Variants in MYT1L observed in about 807,000 individuals in gnomAD.
MYT1L encodes the protein myelin transcription factor 1 like, also known as myelin transcription factor 1-like protein.
Under a neutral mutation model 126.7 loss-of-function variants are expected in MYT1L, and 12 were observed. That is an observed-to-expected ratio of 0.09 (90% confidence interval 0.06 to 0.15). The LOEUF is 0.15. Ranked by LOEUF, MYT1L falls within the 10% of genes least tolerant of loss-of-function variation. MYT1L has a pLI of 1.00. For missense variants in MYT1L, 979 were observed against 1,585.2 expected (o/e 0.62, Z 6.49); for synonymous variants, 541 against 604.2 (o/e 0.90, Z 1.53).
chr2:1,932,210 G>A (rs1256150379), intron 9 of MYT1L, among the ~76,000 whole-genome samples: 1 of 152,138 alleles, frequency 6.6e-6, no homozygotes, highest in East Asian at 1.9e-4. Flanking sequence ...ATTGAGGCAC[G>A]GAGGAAAACG....
intron 13 of MYT1L, among the ~76,000 whole-genome samples, chr2:1,908,682 G>C (rs1184046079): frequency 6.6e-6 from 1 of 152,224 alleles, no homozygotes; most frequent in African/African-American, 2.4e-5. Flanking sequence ...GGGTGGGGGT[G>C]GTTTTCATGT....
At chr2:1,907,914 G>A (rs373707276) in intron 13 of MYT1L, among the ~76,000 whole-genome samples, 4 of 152,238 alleles carry the variant, frequency 2.6e-5, no homozygotes, top group Non-Finnish European at 2.9e-5. Flanking sequence ...GGAGTCTCAC[G>A]CAGGGCCAGT....
chr2:1,856,996 C>A (rs1181665806), intron 18 of MYT1L, among the ~76,000 whole-genome samples: 4 of 152,218 alleles, frequency 2.6e-5, no homozygotes, highest in African/African-American at 9.6e-5. Context: ...GGACAACCTC[C>A]CACCATCACC....
intron 14 of MYT1L, among the ~76,000 whole-genome samples, chr2:1,901,000 G>C (rs1321934663): frequency 6.6e-6 from 1 of 152,150 alleles, no homozygotes; most frequent in Admixed American, 6.5e-5. Flanking sequence ...CTGCAGCCTC[G>C]CAAGGTCAGC....
chr2:2,074,913 A>G (rs545622638), intron 3 of MYT1L, among the ~76,000 whole-genome samples: 1 of 152,324 alleles, frequency 6.6e-6, no homozygotes, highest in South Asian at 2.1e-4. Context: ...GATAGGTGCT[A>G]TTTTATATAA....
At chr2:1,877,230 T>C (rs1375327910) in intron 18 of MYT1L, among the ~76,000 whole-genome samples, 1 of 152,194 alleles carries the variant, frequency 6.6e-6, no homozygotes, top group East Asian at 1.9e-4. Context: ...TTATCACTTG[T>C]TGGCTATGAT....
chr2:1,996,076 T>C (rs1029991920), intron 5 of MYT1L, among the ~76,000 whole-genome samples: 1 of 152,184 alleles, frequency 6.6e-6, no homozygotes, highest in African/African-American at 2.4e-5. Flanking sequence ...CCGGAGAGGC[T>C]GAGGTGGAGG....
At chr2:1,831,716 T>C (rs2040212987) in intron 21 of MYT1L, among the ~76,000 whole-genome samples, 3 of 152,202 alleles carry the variant, frequency 2.0e-5, no homozygotes, top group Non-Finnish European at 4.4e-5. Flanking sequence ...TTCTTTTCTC[T>C]GGAAGCTTCT....
chr2:1,989,992 C>G (rs149667221), intron 5 of MYT1L, among the ~76,000 whole-genome samples: 2,087 of 152,130 alleles, frequency 0.014, 50 homozygotes, highest in African/African-American at 0.047. Flanking sequence ...AGTGAAACTC[C>G]GTCTCAAAAA....
chr2:2,105,895 A>G (rs771970676), intron 3 of MYT1L, among the ~76,000 whole-genome samples: 2 of 152,232 alleles, frequency 1.3e-5, no homozygotes, highest in Non-Finnish European at 1.5e-5. Context: ...ATGCATTTCA[A>G]TACAAATATC....
At chr2:1,913,321 T>C (rs2052331116) in intron 11 of MYT1L, among the ~76,000 whole-genome samples, 1 of 152,132 alleles carries the variant, frequency 6.6e-6, no homozygotes, top group Non-Finnish European at 1.5e-5. Context: ...TGGTAGGTCC[T>C]AGTAAGTGCT....
chr2:2,158,471 C>G (rs567409754), intron 3 of MYT1L, among the ~76,000 whole-genome samples: 2 of 152,144 alleles, frequency 1.3e-5, no homozygotes, highest in African/African-American at 4.8e-5. Context: ...ACCATGAGAT[C>G]GCTCCTTTCT....
intron 1 of MYT1L, among the ~76,000 whole-genome samples, chr2:2,295,767 CAGAG>C (rs1211602756): frequency 6.5e-4 from 11 of 16,808 alleles, no homozygotes; most frequent in Non-Finnish European, 1.3e-3. Flanking sequence ...GACAGACAGA[CAGAG>C]AGAGAGATAG....
intron 10 of MYT1L, among the ~76,000 whole-genome samples, chr2:1,918,488 A>G (rs1316532022): frequency 1.3e-5 from 2 of 152,238 alleles, no homozygotes; most frequent in South Asian, 2.1e-4. Context: ...TAGAAAATAC[A>G]TGTTTTACTT....
At chr2:1,956,611 T>TCTACCTAC (rs2058486240) in intron 8 of MYT1L, among the ~76,000 whole-genome samples, 1 of 149,614 alleles carries the variant, frequency 6.7e-6, no homozygotes. Flanking sequence ...TATCTATCTA[T>TCTACCTAC]CTATCTATCT....
intron 3 of MYT1L, among the ~76,000 whole-genome samples, chr2:2,089,656 C>G (rs935407353): frequency 6.6e-6 from 1 of 152,080 alleles, no homozygotes; most frequent in African/African-American, 2.4e-5. Context: ...TACAGATGGA[C>G]GGAGGTTAAT....
chr2:2,030,520 C>T (rs1370319514), intron 4 of MYT1L, among the ~76,000 whole-genome samples: 1 of 152,014 alleles, frequency 6.6e-6, no homozygotes, highest in Non-Finnish European at 1.5e-5. Flanking sequence ...CTATTATTTG[C>T]CAGCTATTGT....
chr2:2,107,615 AC>A (rs2078911082), intron 3 of MYT1L, among the ~76,000 whole-genome samples: 1 of 151,910 alleles, frequency 6.6e-6, no homozygotes, highest in African/African-American at 2.4e-5. Flanking sequence ...TTTTTATGTT[AC>A]TTCTTCTCAG....
Position 1,848,023 on chromosome 2 carries a change from C to T in MYT1L, c.2774+3618G>A, listed in dbSNP as rs557278824. 7.2e-5 allele frequency among the ~76,000 whole-genome samples: 11 copies of T among 152,288 alleles called. No individual in the cohort carries two copies. In the South Asian group the frequency reaches 2.1e-3, roughly 29 times the overall value. On this transcript the variant is annotated intron_variant, in intron 19 of 24. Coordinates refer to ENST00000647738, the MANE Select transcript of MYT1L (RefSeq NM_001303052.2). The surrounding 1 kb of genome is among the most constrained non-coding windows in gnomAD (Gnocchi z 4.8). ...GACTCGGAGTCAGACGACATGGGCT[C>T]CAGTTGCAGCTCTGCTACTGAATCT...
Sources: gnomAD v4.1 joint callset for allele counts (sites outside exome capture counted in the v4.1 genomes callset) on GRCh38, gnomAD v4.1.1 for gene constraint, Gnocchi (gnomAD v3.1) non-coding constraint, MANE v1.5 for transcripts, NCBI Gene and HGNC (gene_info 2026-07-23, HGNC 2026-07-21) for gene names.